ESYT3: variants seen among roughly 807,000 people sequenced by gnomAD.
ESYT3 encodes extended synaptotagmin-3.
ESYT3 carries 101 observed loss-of-function variants against 111.5 expected under a neutral mutation model. The observed-to-expected ratio is 0.91, with a 90% CI of 0.77 to 1.07. ESYT3 has a LOEUF of 1.07. ESYT3 is among the 50% of genes least tolerant of loss of function. ESYT3 has a pLI of 0.00. For synonymous variants in ESYT3, 416 were observed against 446.8 expected (o/e 0.93, Z 0.87); for missense variants, 1,097 against 1,109.4 (o/e 0.99, Z 0.16).
intron 20 of ESYT3, chr3:138,474,600 T>A (rs189649919): frequency 1.2e-5 from 4 of 333,270 alleles, no homozygotes; most frequent in Admixed American, 8.9e-5. Flanking sequence ...GAATGTTCCC[T>A]ACTCTTTCTG....
Position 138,457,596 on chromosome 3 carries a change from A to T in ESYT3, c.533A>T (p.His178Leu), listed in dbSNP as rs777653947. The T allele has an allele frequency of 6.2e-7, 1 of 1,614,050 alleles. No individual in the cohort carries two copies. The highest frequency in any genetic ancestry group is 1.3e-5 in the African/African-American group (1 of 74,928). Reference protein sequence around the residue: ...KCPRVNGVKAHTNTCNRRRVT... With the variant: ...KCPRVNGVKALTNTCNRRRVT... ...CCCAGGGTCAACGGTGTCAAGGCAC[A>T]CACTAATACGTGCAACCGAAGACGT... Residue 178 changes from histidine (H) to leucine (L), a missense_variant, in exon 4 of 23, where the codon CAC (histidine) becomes CTC (leucine). Physicochemically the swap from His to Leu is moderately conservative, Grantham distance 99. Coordinates refer to ENST00000389567, the MANE Select transcript of ESYT3 (RefSeq NM_031913.5).
intron 1 of ESYT3, among the ~76,000 whole-genome samples, chr3:138,442,475 G>T (rs183262093): frequency 1.3e-5 from 2 of 152,050 alleles, no homozygotes; most frequent in African/African-American, 2.4e-5. Context: ...GTGGGTGGTG[G>T]TTCCTCTGTC....
In ESYT3 at chr3:138,468,190, CTGAGG is replaced by C; in HGVS notation, c.1308+1_1308+5del. On this transcript the variant is annotated splice_donor_variant and coding_sequence_variant, in exon 12 of 23. Transcript: ENST00000389567. LOFTEE classifies it high-confidence loss of function. ...TTGCTTACTGACCAAGAAGTTCTGA[CTGAGG>C]TGAGTGTGGGGTGTCAAGGGCTCCC... The C allele has an allele frequency of 6.2e-7, 1 of 1,614,050 alleles. No homozygotes were observed. Among genetic ancestry groups the C allele is most frequent in the Non-Finnish European group, 8.5e-7 (1 of 1,179,942 alleles).
intron 10 of ESYT3, 61 bp downstream of exon 10, chr3:138,465,482 G>C: frequency 7.4e-7 from 1 of 1,355,728 alleles, no homozygotes; most frequent in South Asian, 1.3e-5. Context: ...GGGGTGCTGG[G>C]CTAGATACCC....
intron 2 of ESYT3, among the ~76,000 whole-genome samples, chr3:138,452,461 C>T (rs1053118657): frequency 2.0e-5 from 3 of 152,192 alleles, no homozygotes; most frequent in African/African-American, 7.2e-5. Context: ...CAGTCTTGGG[C>T]AGACTGCCTA....
intron 1 of ESYT3, among the ~76,000 whole-genome samples, chr3:138,436,622 T>TA (rs1180588660): frequency 2.6e-5 from 4 of 152,208 alleles, no homozygotes; most frequent in Admixed American, 1.3e-4. Flanking sequence ...GTAGTAGCCA[T>TA]AGGGGTAGCG....
rs1340341392 is a variant in ESYT3, at chr3:138,435,257, C to A, written c.327+132C>A. 4 of 873,044 alleles carry A rather than the reference C, an allele frequency of 4.6e-6. No individual in the cohort carries two copies. In the East Asian group the frequency reaches 1.1e-4, roughly 24 times the overall value. The allele number at this position is 873,044 out of a possible 1,614,324, so 54.1% of individuals were successfully genotyped here. On this transcript the variant is annotated intron_variant, in intron 1 of 22. Transcript: ENST00000389567. This position sits in a 1 kb window ranked among gnomAD's most constrained non-coding sequence, Gnocchi z 4.8. ...AGCCCGGCGACCTGCACACCCCGTTCCCCACCGCTCCCGGGGCGCAGACCC... is the reference window on the plus strand; with the variant it reads ...AGCCCGGCGACCTGCACACCCCGTTACCCACCGCTCCCGGGGCGCAGACCC...
At chr3:138,462,316 C>A in intron 8 of ESYT3, 110 bp downstream of exon 8, 1 of 1,469,854 alleles carries the variant, frequency 6.8e-7, no homozygotes, top group Non-Finnish European at 9.3e-7. Flanking sequence ...GCTTGACAGT[C>A]CCAGAAAAAT....
intron 14 of ESYT3, 81 bp from the exon 15 acceptor site, chr3:138,469,355 C>T (rs1302993576): frequency 6.4e-6 from 8 of 1,257,700 alleles, no homozygotes; most frequent in Non-Finnish European, 9.2e-6. Flanking sequence ...CCCCCAGATG[C>T]TCCTGGGGGT....
rs182727658 is a variant in ESYT3 at position 138,435,418 on chromosome 3, C to G, written c.327+293C>G. Among the ~76,000 whole-genome samples, 130 of 152,302 alleles carry G rather than the reference C, an allele frequency of 8.5e-4. 1 individual carries two copies. The highest frequency in any genetic ancestry group is 1.1e-3 in the Non-Finnish European group (76 of 68,018). ...GAGAAGAGTCACGGGCAGACCACAC[C>G]CGGGAGAAAAACAAGGGCGTCTGGG... On this transcript the variant is annotated intron_variant, in intron 1 of 22. Coordinates refer to ENST00000389567, the MANE Select transcript of ESYT3 (RefSeq NM_031913.5). The surrounding 1 kb of genome is among the most constrained non-coding windows in gnomAD (Gnocchi z 4.8).
intron 10 of ESYT3, among the ~76,000 whole-genome samples, chr3:138,465,883 G>C (rs1207694407): frequency 6.6e-6 from 1 of 152,172 alleles, no homozygotes; most frequent in Non-Finnish European, 1.5e-5. Context: ...TGGTCCAGCA[G>C]TCCCACTTCC....
Position 138,462,145 on chromosome 3 carries a change from G to T in ESYT3, c.854G>T (p.Arg285Leu), listed in dbSNP as rs557407338. 6 of 1,614,176 alleles carry T rather than the reference G, an allele frequency of 3.7e-6. No individual in the cohort carries two copies. The highest frequency in any genetic ancestry group is 5.1e-6 in the Non-Finnish European group (6 of 1,180,020). ...GCCACCCACCTGGTGCTGCCCAACC[G>T]TGTGACTGTGCCTGTGAAGAAGGGG... ...LIATHLVLPN[R>L]VTVPVKKGLD... is the part of the protein sequence containing the mutation. The change falls in exon 8 of 23, where the codon CGT (arginine) becomes CTT (leucine). Residue 285 changes from arginine (R) to leucine (L), a missense_variant. Arg to Leu is a moderately radical substitution (Grantham distance 102, BLOSUM62 -2). Transcript: ENST00000389567.
intron 1 of ESYT3, among the ~76,000 whole-genome samples, chr3:138,447,223 T>A (rs564756164): frequency 6.6e-6 from 1 of 152,182 alleles, no homozygotes; most frequent in African/African-American, 2.4e-5. Flanking sequence ...AAGGACATGA[T>A]TAATAACCTG....
In ESYT3 at chr3:138,435,024, C is replaced by A; in HGVS notation, c.226C>A (p.Arg76Ser). The A allele has an allele frequency of 1.9e-6, 3 of 1,580,474 alleles. No individual in the cohort carries two copies. Among genetic ancestry groups the A allele is most frequent in the Non-Finnish European group, 1.7e-6 (2 of 1,164,014 alleles). ...ALLWMWWRRN[R>S]RGKLGRLAAA... Reference sequence around the variant, plus strand: ...GCTGTGGATGTGGTGGCGCAGGAACCGCCGCGGGAAGCTTGGGCGCCTGGC... The same window carrying A: ...GCTGTGGATGTGGTGGCGCAGGAACAGCCGCGGGAAGCTTGGGCGCCTGGC... The change falls in exon 1 of 23, where the codon CGC (arginine) becomes AGC (serine). Residue 76 changes from arginine (R) to serine (S), a missense_variant. Arg to Ser is a moderately radical substitution (Grantham distance 110). Coordinates refer to ENST00000389567, the MANE Select transcript of ESYT3 (RefSeq NM_031913.5). The surrounding 1 kb of genome is among the most constrained non-coding windows in gnomAD (Gnocchi z 4.8).
chr3:138,458,559 C>T (rs1243886306), intron 4 of ESYT3, among the ~76,000 whole-genome samples: 1 of 152,242 alleles, frequency 6.6e-6, no homozygotes, highest in Non-Finnish European at 1.5e-5. Context: ...GCTGGCTGCC[C>T]CTCTCCCTTC....
In ESYT3 at chr3:138,460,644, C is replaced by T; in HGVS notation, c.772C>T (p.Leu258=). The change falls in exon 7 of 23, where the codon CTG becomes TTG. Residue 258 remains leucine, a synonymous_variant. Coordinates refer to ENST00000389567, the MANE Select transcript of ESYT3 (RefSeq NM_031913.5). ...LQINWTGLTN[L]LDAPGINDVS... is the part of the protein sequence containing the mutation. ...GATCAACTGGACTGGCCTGACCAAC[C>T]TGCTGGATGCGCCGGGAATCAAGTA... 1.2e-6 allele frequency: 2 copies of T among 1,614,098 alleles called. No individual in the cohort carries two copies. The highest frequency in any genetic ancestry group is 1.7e-6 in the Non-Finnish European group (2 of 1,179,952).
rs1426588546 is a variant in ESYT3, at chr3:138,467,593, A to G, written c.1202A>G (p.Asn401Ser). The change falls in exon 11 of 23, where the codon AAC (asparagine) becomes AGC (serine). Residue 401 changes from asparagine to serine, a missense_variant. Physicochemically the swap from Asn to Ser is conservative, Grantham distance 46. Coordinates refer to ENST00000389567, the MANE Select transcript of ESYT3 (RefSeq NM_031913.5). ...LQICLGDVMT[N>S]RVVDEWFVLN... Reference sequence around the variant, plus strand: ...ATCTGCCTTGGAGATGTCATGACCAACAGAGTGGTGGATGAGGTACAGTTG... The same window carrying G: ...ATCTGCCTTGGAGATGTCATGACCAGCAGAGTGGTGGATGAGGTACAGTTG... 1.9e-6 allele frequency: 3 copies of G among 1,614,100 alleles called. No homozygotes were observed. Among genetic ancestry groups the G allele is most frequent in the South Asian group, 1.1e-5 (1 of 91,072 alleles).
rs760294727 is a variant in ESYT3 at position 138,468,682 on chromosome 3, C to T, written c.1336C>T (p.Leu446Phe). 2 of 1,614,164 alleles carry T rather than the reference C, an allele frequency of 1.2e-6. No homozygotes were observed. The highest frequency in any genetic ancestry group is 8.5e-7 in the Non-Finnish European group (1 of 1,180,038). ...EDHGGLSTAI[L>F]VVFLESACNL... ...CCATGGTGGCCTTTCCACTGCCATT[C>T]TCGTGGTCTTCTTGGAGAGTGCCTG... Residue 446 changes from leucine (L) to phenylalanine (F), a missense_variant, in exon 13 of 23, where the codon CTC becomes TTC. Leu to Phe is a conservative substitution (Grantham distance 22). Coordinates refer to ENST00000389567, the MANE Select transcript of ESYT3 (RefSeq NM_031913.5).
chr3:138,461,485 C>T (rs2032637402), intron 7 of ESYT3, among the ~76,000 whole-genome samples: 1 of 152,186 alleles, frequency 6.6e-6, no homozygotes, highest in African/African-American at 2.4e-5. Context: ...CCAGCTGGCT[C>T]ATCAGACTCA....
Sources: gnomAD v4.1 joint callset for allele counts (sites outside exome capture counted in the v4.1 genomes callset) on GRCh38, gnomAD v4.1.1 for gene constraint, Gnocchi (gnomAD v3.1) non-coding constraint, MANE v1.5 for transcripts, NCBI Gene and HGNC (gene_info 2026-07-23, HGNC 2026-07-21) for gene names.